The following NUP188 variants were observed in gnomAD, a reference collection of about 807,000 sequenced individuals.
NUP188 encodes the protein nucleoporin NUP188.
A neutral mutation model predicts 223.0 loss-of-function variants in NUP188; 97 were observed. The ratio of observed to expected loss-of-function variants is 0.43; its 90% CI spans 0.37 to 0.51. NUP188 has a LOEUF of 0.51. NUP188 is among the 20% of genes least tolerant of loss of function. NUP188 has a pLI of 0.00. For synonymous variants in NUP188, 869 were observed against 828.0 expected, an observed-to-expected ratio of 1.05 and a Z score of -0.85; for missense variants, 1,947 against 2,175.6, an observed-to-expected ratio of 0.89 and a Z score of 2.09.
At chr9:128,956,521 T>G (rs1012161440) in intron 4 of NUP188, 87 bp downstream of exon 4, 5 of 684,670 alleles carry the variant, frequency 7.3e-6, no homozygotes, top group East Asian at 6.1e-5. Context: ...AAATTCAGTT[T>G]CTTTTTGTTT....
chr9:128,986,416 T>C (rs376335180), intron 20 of NUP188, 142 bp from the exon 21 acceptor site: 15 of 826,800 alleles, frequency 1.8e-5, no homozygotes, highest in African/African-American at 1.0e-4. Context: ...GTAGGACTTT[T>C]GATGTTTCTT....
At chr9:128,951,175 G>A (rs1387399371) in intron 2 of NUP188, among the ~76,000 whole-genome samples, 1 of 152,096 alleles carries the variant, frequency 6.6e-6, no homozygotes, top group Non-Finnish European at 1.5e-5. Context: ...CGGTGTGGTG[G>A]TGCATGCCTG....
chr9:128,998,668 TG>T, intron 32 of NUP188, 45 bp downstream of exon 32: 1 of 1,458,684 alleles, frequency 6.9e-7, no homozygotes, highest in South Asian at 1.1e-5. Flanking sequence ...AGAGCCTTCT[TG>T]TCAGTGCCTG....
chr9:128,977,486 G>C (rs1842192436), intron 12 of NUP188, among the ~76,000 whole-genome samples: 1 of 152,090 alleles, frequency 6.6e-6, no homozygotes, highest in South Asian at 2.1e-4. Context: ...GCTAAGCTCT[G>C]TGCTAAGCGC....
intron 13 of NUP188, 78 bp from the exon 14 acceptor site, chr9:128,980,528 C>T (rs1331491455): frequency 2.1e-5 from 31 of 1,477,188 alleles, no homozygotes; most frequent in Non-Finnish European, 2.7e-5. Flanking sequence ...TAAATTTTCT[C>T]ATGATTGCTG....
chr9:128,980,554 T>A (rs1198710148), intron 13 of NUP188, 52 bp from the exon 14 acceptor site: 5 of 1,558,530 alleles, frequency 3.2e-6, no homozygotes, highest in Non-Finnish European at 4.4e-6. Context: ...TTTGGAGAGA[T>A]GTTAATTTGT....
chr9:129,005,818 C>G (rs1197462765), intron 41 of NUP188, 42 bp downstream of exon 41: 1 of 1,549,018 alleles, frequency 6.5e-7, no homozygotes, highest in Non-Finnish European at 8.7e-7. Context: ...CCCCCGGCTC[C>G]TCCCCCTGCC....
At chr9:129,005,844 G>A in intron 41 of NUP188, 68 bp downstream of exon 41, 1 of 1,538,488 alleles carries the variant, frequency 6.5e-7, no homozygotes, top group Non-Finnish European at 8.8e-7. Context: ...CTTCCCAGCT[G>A]ACCTTGGGCA....
In NUP188 at chr9:128,981,384, C is replaced by G; in HGVS notation, c.1510C>G (p.Pro504Ala). 6.2e-7 allele frequency: 1 copy of G among 1,603,836 alleles called. No individual in the cohort carries two copies. The highest frequency in any genetic ancestry group is 8.5e-7 in the Non-Finnish European group (1 of 1,177,268). The change falls in exon 15 of 44, where the codon CCC becomes GCC. Residue 504 changes from proline to alanine, a missense_variant. This residue lies in a region of NUP188 where 817 missense variants were observed against 865.8 expected (regional missense o/e 0.94). Coordinates refer to ENST00000372577, the MANE Select transcript of NUP188 (RefSeq NM_015354.3). ...GAGACAAACACCCAAACTCCTTTAT[C>G]CCCTTGGTGAGATAAAGAGATCCCC... ...WRRQTPKLLY[P>A]LGGQTNLRIP...
At position 129,005,291 on chromosome 9, in the gene NUP188, G is replaced by C. The variant is rs1167942383; in HGVS notation, c.4510-12G>C. 1 of 1,613,448 alleles carries C rather than the reference G, an allele frequency of 6.2e-7. No homozygotes were observed. The highest frequency in any genetic ancestry group is 8.5e-7 in the Non-Finnish European group (1 of 1,179,402). On this transcript the variant is annotated splice_polypyrimidine_tract_variant and intron_variant, in intron 39 of 43. Coordinates refer to ENST00000372577, the MANE Select transcript of NUP188 (RefSeq NM_015354.3). ...TTCCCAAGCTCCACCTTCATTTCTT[G>C]ACTCTCCTTAGAACAAAAATGGGGA... is the stretch of plus-strand genomic sequence containing the variant.
Position 129,003,345 on chromosome 9 carries a change from G to C in NUP188, c.4325G>C (p.Ser1442Thr), listed in dbSNP as rs1372133316. The C allele has an allele frequency of 2.5e-5, 41 of 1,612,470 alleles. No homozygotes were observed. The Admixed American group carries it at 6.8e-4, about 27-fold the overall frequency. ...CTCAACGCAGTGAGGACAGTGCAGA[G>C]TCTGGCCTGCCTGGAGGAGGCGGAC... ...QCLNAVRTVQ[S>T]LACLEEADHT... Residue 1442 changes from serine (S) to threonine (T), a missense_variant, in exon 38 of 44, where the codon AGT becomes ACT. Around this residue, in one of 3 missense-constraint regions of NUP188, gnomAD observed 905 missense variants for 990.6 expected, o/e 0.91. Coordinates refer to ENST00000372577, the MANE Select transcript of NUP188 (RefSeq NM_015354.3).
At chr9:128,986,415 T>C (rs1025188795) in intron 20 of NUP188, 143 bp from the exon 21 acceptor site, 22 of 817,632 alleles carry the variant, frequency 2.7e-5, no homozygotes, top group Admixed American at 2.5e-4. Context: ...AGTAGGACTT[T>C]TGATGTTTCT....
At chr9:128,987,319 T>C (rs1842352059) in intron 22 of NUP188, among the ~76,000 whole-genome samples, 1 of 152,198 alleles carries the variant, frequency 6.6e-6, no homozygotes. Flanking sequence ...CTTATTTTAA[T>C]GGTTCTATGC....
intron 3 of NUP188, among the ~76,000 whole-genome samples, chr9:128,954,081 C>T (rs1381617906): frequency 1.3e-5 from 2 of 152,160 alleles, no homozygotes; most frequent in African/African-American, 2.4e-5. Context: ...CTGCTCACCT[C>T]GGCCTCCCAA....
chr9:128,995,349 A>C lies in NUP188; in HGVS notation c.3186A>C (p.Thr1062=), dbSNP rs75784988. Residue 1062 remains threonine (T), a synonymous_variant, in exon 30 of 44, where the codon ACA becomes ACC. Transcript: ENST00000372577. ...KGSLDQSLKD[T]LKKFSIEKRF... is the part of the protein sequence containing the mutation. ...CATTAGACCAGTCATTAAAGGATAC[A>C]CTGAAGAAATTTTCCATCGAGAAAC... 2.3e-4 allele frequency: 376 copies of C among 1,614,096 alleles called. 3 individuals carry two copies. In the East Asian group the frequency reaches 7.6e-3, roughly 33 times the overall value.
chr9:128,982,552 G>A lies in NUP188; in HGVS notation c.1520G>A (p.Gly507Asp). 2 of 1,609,812 alleles carry A rather than the reference G, an allele frequency of 1.2e-6. No individual in the cohort carries two copies. The highest frequency in any genetic ancestry group is 1.7e-6 in the Non-Finnish European group (2 of 1,178,726). ...QTPKLLYPLGGQTNLRIPQGT... is the reference protein window; with the variant it reads ...QTPKLLYPLGDQTNLRIPQGT... Reference sequence around the variant, plus strand: ...CTAATTTATCTTTCTCTCTCAGGGGGTCAAACCAACCTTCGCATACCTCAA... The same window carrying A: ...CTAATTTATCTTTCTCTCTCAGGGGATCAAACCAACCTTCGCATACCTCAA... The change falls in exon 16 of 44, where the codon GGT becomes GAT. Residue 507 changes from glycine (G) to aspartate (D), a missense_variant. Gly to Asp is a moderately conservative substitution (Grantham distance 94). Transcript: ENST00000372577.
chr9:128,957,187 C>T (rs1213076117), intron 5 of NUP188, among the ~76,000 whole-genome samples, 155 bp downstream of exon 5: 1 of 152,088 alleles, frequency 6.6e-6, no homozygotes, highest in African/African-American at 2.4e-5. Context: ...TTAAAAAAAA[C>T]ATGACCTGGG....
rs758336400 is a variant in NUP188 at position 128,994,460 on chromosome 9, G to A, written c.3087+18G>A. On this transcript the variant is annotated intron_variant, in intron 28 of 43. Coordinates refer to ENST00000372577, the MANE Select transcript of NUP188 (RefSeq NM_015354.3). ...CATCAGAGGTAAGCTGTGGCAGAGG[G>A]CAGGATGGTGGCTACAAGTCCCTTG... 1.3e-6 allele frequency: 2 copies of A among 1,587,402 alleles called. No homozygotes were observed. Among genetic ancestry groups the A allele is most frequent in the South Asian group, 2.2e-5 (2 of 90,488 alleles).
chr9:128,982,086 A>G (rs745990006), intron 15 of NUP188, among the ~76,000 whole-genome samples: 3 of 151,560 alleles, frequency 2.0e-5, no homozygotes, highest in Non-Finnish European at 4.4e-5. Flanking sequence ...TCAAAAAAAA[A>G]AAGACACTTG....
Sources: allele counts gnomAD v4.1 joint callset (sites outside exome capture counted in the v4.1 genomes callset), GRCh38; gene constraint gnomAD v4.1.1; regional missense constraint gnomAD v4.1.1; transcripts MANE v1.5; gene names NCBI Gene and HGNC (gene_info 2026-07-23, HGNC 2026-07-21).